Variants in CDH13 observed in about 807,000 individuals in gnomAD.
CDH13 encodes the protein cadherin-13.
Under a neutral mutation model 63.8 loss-of-function variants are expected in CDH13, and 24 were observed. That is an observed-to-expected ratio of 0.38 (90% confidence interval 0.27 to 0.53). The LOEUF is 0.53. Among genes scored for constraint, CDH13 ranks in the 20% least tolerant of loss-of-function variants. CDH13 has a pLI of 0.85. For missense variants in CDH13, 1,049 were observed against 903.1 expected (o/e 1.16, Z -2.07); for synonymous variants, 503 against 355.3 (o/e 1.42, Z -4.67).
intron 1 of CDH13, among the ~76,000 whole-genome samples, chr16:82,837,315 G>A (rs150381360): frequency 2.9e-3 from 439 of 152,216 alleles, no homozygotes; most frequent in African/African-American, 9.9e-3. Context: ...TGAGGATTAC[G>A]GGGAAAAGTC....
At chr16:83,592,409 T>C (rs1906845895) in intron 7 of CDH13, among the ~76,000 whole-genome samples, 1 of 152,192 alleles carries the variant, frequency 6.6e-6, no homozygotes, top group Admixed American at 6.5e-5. Context: ...ATCCTAGCAG[T>C]TATTTGAGCC....
chr16:83,444,107 G>A (rs939346834), intron 6 of CDH13, among the ~76,000 whole-genome samples: 1 of 144,334 alleles, frequency 6.9e-6, no homozygotes. Context: ...GTTGATGATG[G>A]TGAAGATACC....
At chr16:82,966,993 A>G (rs901389834) in intron 2 of CDH13, among the ~76,000 whole-genome samples, 9 of 152,174 alleles carry the variant, frequency 5.9e-5, no homozygotes, top group Non-Finnish European at 7.3e-5. Context: ...CTAATCCAGG[A>G]TTTAATATTG....
chr16:82,752,400 C>T (rs1042675000), intron 1 of CDH13, among the ~76,000 whole-genome samples: 1 of 152,160 alleles, frequency 6.6e-6, no homozygotes, highest in African/African-American at 2.4e-5. Flanking sequence ...CCCCTACCCA[C>T]CACACCCCAT....
chr16:83,597,782 A>G (rs1468581548), intron 7 of CDH13, among the ~76,000 whole-genome samples: 1 of 152,196 alleles, frequency 6.6e-6, no homozygotes, highest in Non-Finnish European at 1.5e-5. Context: ...TATTTACTTC[A>G]GGAGATAGAA....
chr16:82,649,186 G>A (rs1402099522), intron 1 of CDH13, among the ~76,000 whole-genome samples: 2 of 152,096 alleles, frequency 1.3e-5, no homozygotes, highest in African/African-American at 4.8e-5. Context: ...TTTTACAAAT[G>A]ACATAATAGA....
rs1022807424 is a variant in CDH13, at chr16:83,077,320, T to G, written c.366+45102T>G. ...GATTCTTGTGTCTCAGCCTTCTGAG[T>G]AGTTGGAATTACAGGTGCACACCAC... On this transcript the variant is annotated intron_variant, in intron 3 of 13. Coordinates refer to ENST00000567109, the MANE Select transcript of CDH13 (RefSeq NM_001257.5). 1.1e-4 allele frequency among the ~76,000 whole-genome samples: 16 copies of G among 150,252 alleles called. No individual in the cohort carries two copies. The East Asian group carries it at 2.0e-3, about 19-fold the overall frequency.
intron 5 of CDH13, among the ~76,000 whole-genome samples, chr16:83,265,256 C>T (rs549487473): frequency 6.6e-6 from 1 of 152,180 alleles, no homozygotes; most frequent in Non-Finnish European, 1.5e-5. Context: ...CTCTGTTTGC[C>T]TTTGTCCTGT....
intron 2 of CDH13, among the ~76,000 whole-genome samples, chr16:82,963,955 C>T (rs547278768): frequency 3.3e-5 from 5 of 152,292 alleles, no homozygotes; most frequent in Non-Finnish European, 5.9e-5. Flanking sequence ...TCAGTGACTC[C>T]TTTGTGGGAG....
chr16:82,792,104 A>G (rs2036336553), intron 1 of CDH13, among the ~76,000 whole-genome samples: 1 of 152,142 alleles, frequency 6.6e-6, no homozygotes, highest in African/African-American at 2.4e-5. Flanking sequence ...AGCCCATAGA[A>G]TATGGCACCT....
chr16:83,395,667 G>C (rs1315852461), intron 6 of CDH13, among the ~76,000 whole-genome samples: 1 of 152,198 alleles, frequency 6.6e-6, no homozygotes, highest in Non-Finnish European at 1.5e-5. Context: ...AGTAGTGATA[G>C]CAGGCTACAG....
At chr16:83,602,819 C>A (rs1382718331) in intron 8 of CDH13, among the ~76,000 whole-genome samples, 1 of 152,192 alleles carries the variant, frequency 6.6e-6, no homozygotes, top group Non-Finnish European at 1.5e-5. Context: ...AGCACTGAAT[C>A]TTGTTAAAGT....
chr16:82,795,681 C>G (rs79499944), intron 1 of CDH13, among the ~76,000 whole-genome samples: 6,694 of 152,284 alleles, frequency 0.044, 217 homozygotes, highest in Non-Finnish European at 0.065. Flanking sequence ...TCTGTAGACC[C>G]TCCACTCTTA....
At chr16:83,152,500 G>A (rs929169259) in intron 4 of CDH13, among the ~76,000 whole-genome samples, 5 of 152,062 alleles carry the variant, frequency 3.3e-5, no homozygotes, top group African/African-American at 9.7e-5. Flanking sequence ...GTACTTAAAG[G>A]TGATTCCTTT....
chr16:83,302,089 T>C (rs929949186), intron 5 of CDH13, among the ~76,000 whole-genome samples: 1 of 152,204 alleles, frequency 6.6e-6, no homozygotes, highest in Non-Finnish European at 1.5e-5. Context: ...CCTCATGTTG[T>C]TGTGAGTACT....
intron 5 of CDH13, among the ~76,000 whole-genome samples, chr16:83,286,803 C>G (rs971677420): frequency 1.0e-4 from 15 of 150,008 alleles, no homozygotes; most frequent in African/African-American, 3.7e-4. Flanking sequence ...TATACACACA[C>G]ACATATAAAT....
chr16:83,362,197 G>C (rs191057313), intron 6 of CDH13, among the ~76,000 whole-genome samples: 18 of 152,306 alleles, frequency 1.2e-4, no homozygotes, highest in African/African-American at 4.3e-4. Context: ...GAGCCCACCA[G>C]TGATTCAAGT....
At chr16:83,719,302 A>C (rs74642574) in intron 10 of CDH13, among the ~76,000 whole-genome samples, 2 of 152,158 alleles carry the variant, frequency 1.3e-5, no homozygotes, top group Non-Finnish European at 2.9e-5. Context: ...ACCAGACCCT[A>C]TGTGGGATCT....
chr16:82,849,098 C>G (rs1268740391), intron 1 of CDH13, among the ~76,000 whole-genome samples: 3 of 152,112 alleles, frequency 2.0e-5, no homozygotes, highest in Non-Finnish European at 4.4e-5. Flanking sequence ...GGCCTTAACT[C>G]TATTCAATTT....
Sources: gnomAD v4.1 joint callset for allele counts (sites outside exome capture counted in the v4.1 genomes callset) on GRCh38, gnomAD v4.1.1 for gene constraint, MANE v1.5 for transcripts, NCBI Gene and HGNC (gene_info 2026-07-23, HGNC 2026-07-21) for gene names.